KLHL13: variants seen among roughly 807,000 people sequenced by gnomAD.
The protein encoded by KLHL13 is kelch like family member 13, also known as kelch-like protein 13.
In KLHL13, 10 loss-of-function variants were observed where a neutral mutation model predicts 37.1. The ratio of observed to expected loss-of-function variants is 0.27; its 90% CI spans 0.17 to 0.46. The LOEUF (loss-of-function observed/expected upper bound fraction) is 0.46, where lower values mean the gene tolerates loss of function less well. Among genes scored for constraint, KLHL13 ranks in the 20% least tolerant of loss-of-function variants. The pLI is 1.00. For synonymous variants in KLHL13, 163 were observed against 181.2 expected (o/e 0.90, Z 0.81); for missense variants, 360 against 509.3 (o/e 0.71, Z 2.82).
chrX:118,070,380 T>C (rs1416492998), intron 1 of KLHL13, among the ~76,000 whole-genome samples: 1 of 112,462 alleles, frequency 8.9e-6, no homozygotes, highest in Non-Finnish European at 1.9e-5. Context: ...TGTTTAAAAA[T>C]GTTTTTCAAT....
chrX:118,010,747 A>C lies in KLHL13; in HGVS notation c.-55-65172T>G, dbSNP rs112555029. Among the ~76,000 whole-genome samples the C allele has an allele frequency of 3.7e-3, 413 of 110,187 alleles. 4 individuals are homozygous for C. The highest frequency in any genetic ancestry group is 0.013 in the African/African-American group (390 of 30,286). ...CTAAAACTTAAAATATAATTTAAAA[A>C]AAAAAAGAGTCAATGCTAGGGGAGC... is the stretch of plus-strand genomic sequence containing the variant. On this transcript the variant is annotated intron_variant, in intron 1 of 6. Transcript: ENST00000371882.
intron 1 of KLHL13, among the ~76,000 whole-genome samples, chrX:117,994,277 A>G (rs1239853259): frequency 9.3e-6 from 1 of 107,798 alleles, no homozygotes; most frequent in Non-Finnish European, 1.9e-5. Flanking sequence ...TTTTAGTGAC[A>G]GGGTCTTGTT....
intron 1 of KLHL13, among the ~76,000 whole-genome samples, chrX:117,996,393 C>T (rs1250376797): frequency 9.0e-6 from 1 of 111,504 alleles, no homozygotes; most frequent in East Asian, 2.8e-4. Context: ...ACAGTCTGCA[C>T]CTTTACATTT....
intron 1 of KLHL13, among the ~76,000 whole-genome samples, chrX:118,089,588 AAG>A (rs199722513): frequency 0.046 from 3,643 of 80,004 alleles, 116 homozygotes; most frequent in African/African-American, 0.084. Context: ...AAGAAAAGAA[AAG>A]AGAGAGAGAG....
At chrX:117,945,434 C>T in exon 2 of KLHL13, 1 of 1,208,138 alleles carries the variant, frequency 8.3e-7, no homozygotes, top group Non-Finnish European at 1.1e-6. Context: ...CTTAAATTAC[C>T]TGTAACACCA....
intron 1 of KLHL13, among the ~76,000 whole-genome samples, chrX:118,006,900 C>T (rs1470607227): frequency 9.0e-6 from 1 of 111,477 alleles, no homozygotes; most frequent in Non-Finnish European, 1.9e-5. Flanking sequence ...TAGTAGTATA[C>T]TTGAAAGCTA....
chrX:118,055,967 A>G (rs2054680821), intron 1 of KLHL13, among the ~76,000 whole-genome samples: 1 of 111,413 alleles, frequency 9.0e-6, no homozygotes, highest in Admixed American at 9.6e-5. Context: ...ACTCAGGGAA[A>G]TAATTTTTAA....
At chrX:118,010,345 G>A (rs1185843689) in intron 1 of KLHL13, among the ~76,000 whole-genome samples, 1 of 36,200 alleles carries the variant, frequency 2.8e-5, no homozygotes, top group Non-Finnish European at 5.0e-5. Flanking sequence ...CAACCCAAAT[G>A]TCCAACAATG....
intron 2 of KLHL13, among the ~76,000 whole-genome samples, chrX:117,933,536 C>T (rs1045097442): frequency 1.8e-5 from 2 of 111,194 alleles, no homozygotes; most frequent in Non-Finnish European, 3.8e-5. Context: ...AAAGTAAAAT[C>T]CAAAACTTTG....
chrX:117,940,423 G>A (rs762224221), intron 2 of KLHL13, among the ~76,000 whole-genome samples: 6 of 111,508 alleles, frequency 5.4e-5, no homozygotes. Context: ...TTGGCTACAC[G>A]GGCTCTTTTT....
At chrX:118,104,584 C>T (rs1016410292) in intron 1 of KLHL13, among the ~76,000 whole-genome samples, 3 of 111,841 alleles carry the variant, frequency 2.7e-5, no homozygotes, top group Non-Finnish European at 3.8e-5. Context: ...TACATACTGC[C>T]TTGAAAGACT....
chrX:117,986,689 C>T (rs181867046), intron 1 of KLHL13, among the ~76,000 whole-genome samples: 4 of 111,890 alleles, frequency 3.6e-5, no homozygotes, highest in East Asian at 2.8e-4. Flanking sequence ...CTCTTCCAAA[C>T]TCCACTTTCC....
At chrX:118,060,337 T>A (rs1162063065) in intron 1 of KLHL13, among the ~76,000 whole-genome samples, 8 of 111,294 alleles carry the variant, frequency 7.2e-5, no homozygotes, top group African/African-American at 2.3e-4. Flanking sequence ...GTTAAATGCA[T>A]ATTATTGAGT....
At chrX:118,052,997 A>C (rs1272550059) in intron 1 of KLHL13, among the ~76,000 whole-genome samples, 1 of 111,910 alleles carries the variant, frequency 8.9e-6, no homozygotes, top group Non-Finnish European at 1.9e-5. Flanking sequence ...AAAACACCAT[A>C]AACATAATTA....
At chrX:117,905,337 A>T (rs1009617890) in intron 5 of KLHL13, among the ~76,000 whole-genome samples, 1 of 112,213 alleles carries the variant, frequency 8.9e-6, no homozygotes, top group African/African-American at 3.2e-5. Flanking sequence ...GATTTCTTAT[A>T]TGACACAATT....
intron 4 of KLHL13, among the ~76,000 whole-genome samples, chrX:117,911,613 T>A (rs1282261818): frequency 8.9e-6 from 1 of 111,795 alleles, no homozygotes; most frequent in Non-Finnish European, 1.9e-5. Context: ...TGAGTTCTCA[T>A]TGTTCAACTC....
chrX:117,919,602 G>A (rs1344159411), exon 4 of KLHL13: 5 of 1,207,938 alleles, frequency 4.1e-6, no homozygotes, highest in African/African-American at 1.8e-5. Flanking sequence ...TGTCTTGAAG[G>A]TTGTCCATAT....
Position 117,959,087 on chromosome X carries a change from TA to T in KLHL13, c.99-13513del, listed in dbSNP as rs36059732. Among the ~76,000 whole-genome samples, 11 of 109,754 alleles carry T rather than the reference TA, an allele frequency of 1.0e-4. No homozygotes were observed. The South Asian group carries it at 2.3e-3, about 23-fold the overall frequency. ...TGATGTGATAGTACTGCACATCATT[TA>T]AAAAAAACACTCTAATTGTATCTAT... On this transcript the variant is annotated intron_variant, in intron 1 of 6. Transcript: ENST00000262820.
At chrX:117,997,685 A>T (rs184692040) in intron 1 of KLHL13, among the ~76,000 whole-genome samples, 255 of 111,742 alleles carry the variant, frequency 2.3e-3, no homozygotes, top group African/African-American at 7.7e-3. Flanking sequence ...TCTCCTTGGA[A>T]ATAATCCATG....
Sources: allele counts gnomAD v4.1 joint callset (sites outside exome capture counted in the v4.1 genomes callset), GRCh38; gene constraint gnomAD v4.1.1; transcripts MANE v1.5; gene names NCBI Gene and HGNC (gene_info 2026-07-23, HGNC 2026-07-21).